TMC1: variants seen among roughly 807,000 people sequenced by gnomAD.
TMC1 encodes the protein transmembrane channel like 1.
TMC1 carries 84 observed loss-of-function variants against 105.8 expected under a neutral mutation model. That is an observed-to-expected ratio of 0.79 (90% CI 0.67 to 0.95). The LOEUF (loss-of-function observed/expected upper bound fraction) is 0.95, where lower values mean the gene tolerates loss of function less well. TMC1 is among the 40% of genes least tolerant of loss of function. TMC1 has a pLI of 0.00. For missense variants in TMC1, 817 were observed against 914.1 expected (o/e 0.89, Z 1.37); for synonymous variants, 315 against 311.5 (o/e 1.01, Z -0.12).
intron 17 of TMC1, among the ~76,000 whole-genome samples, chr9:72,801,272 G>T (rs1322991438): frequency 6.6e-6 from 1 of 152,146 alleles, no homozygotes; most frequent in Non-Finnish European, 1.5e-5. Context: ...TTCACTTTGG[G>T]GAAGGGGAGA....
At chr9:72,593,907 G>A (rs1824678871) in intron 2 of TMC1, among the ~76,000 whole-genome samples, 1 of 152,084 alleles carries the variant, frequency 6.6e-6, no homozygotes, top group African/African-American at 2.4e-5. Context: ...TTCCATCAAA[G>A]GGCCCCCTTC....
At chr9:72,600,783 C>T (rs944561812) in intron 2 of TMC1, among the ~76,000 whole-genome samples, 7 of 152,006 alleles carry the variant, frequency 4.6e-5, no homozygotes, top group Admixed American at 3.9e-4. Context: ...ATCCTATGAG[C>T]GTGGTTCTCA....
At chr9:72,556,138 C>T (rs1323615235) in intron 1 of TMC1, among the ~76,000 whole-genome samples, 1 of 147,148 alleles carries the variant, frequency 6.8e-6, no homozygotes, top group Non-Finnish European at 1.5e-5. Flanking sequence ...TTTTTTGAGA[C>T]GGAGTTTCGC....
intron 18 of TMC1, 103 bp downstream of exon 18, chr9:72,805,613 A>G (rs557055031): frequency 7.9e-5 from 86 of 1,085,682 alleles, no homozygotes; most frequent in African/African-American, 7.7e-4. Context: ...GCAGGGTCAT[A>G]GGACAATAGT....
At chr9:72,673,944 A>G (rs1826163745) in intron 5 of TMC1, among the ~76,000 whole-genome samples, 1 of 152,146 alleles carries the variant, frequency 6.6e-6, no homozygotes. Flanking sequence ...TCTATCCAAA[A>G]CCAGAAAAAG....
intron 1 of TMC1, among the ~76,000 whole-genome samples, chr9:72,524,171 T>C (rs1267498154): frequency 1.3e-5 from 2 of 152,168 alleles, no homozygotes; most frequent in African/African-American, 4.8e-5. Flanking sequence ...GATATGTCGT[T>C]TTTTTCTTCA....
At chr9:72,546,018 C>T (rs2132068027) in intron 1 of TMC1, among the ~76,000 whole-genome samples, 1 of 151,150 alleles carries the variant, frequency 6.6e-6, no homozygotes, top group South Asian at 2.1e-4. Flanking sequence ...TGCAGTGGCT[C>T]ACAACTGTAA....
rs991824579 is a variant in TMC1, at chr9:72,574,331, T to C, written c.-427-3571T>C. 3.3e-5 allele frequency among the ~76,000 whole-genome samples: 5 copies of C among 152,178 alleles called. No homozygotes were observed. In the South Asian group the frequency reaches 6.2e-4, roughly 19 times the overall value. On this transcript the variant is annotated intron_variant, in intron 1 of 23. Transcript: ENST00000297784. ...AGTGTGATGAGTGACCTCCATTTAATTGGGCGCCCAAGCTCTTGGCTGCTC... is the reference window on the plus strand; with the variant it reads ...AGTGTGATGAGTGACCTCCATTTAACTGGGCGCCCAAGCTCTTGGCTGCTC...
At chr9:72,789,438 C>G in intron 15 of TMC1, 121 bp downstream of exon 15, 2 of 873,416 alleles carry the variant, frequency 2.3e-6, no homozygotes, top group South Asian at 1.4e-5. Flanking sequence ...CCTGCCCTTA[C>G]AGTTAACCAA....
chr9:72,662,549 G>C (rs1449681718), intron 5 of TMC1, among the ~76,000 whole-genome samples: 1 of 151,918 alleles, frequency 6.6e-6, no homozygotes, highest in African/African-American at 2.4e-5. Flanking sequence ...TGCCCTGGGA[G>C]CCATTCTGTC....
Position 72,742,494 on chromosome 9 carries a change from C to T in TMC1, c.504C>T (p.Val168=). The T allele has an allele frequency of 3.7e-6, 6 of 1,614,084 alleles. No homozygotes were observed. The highest frequency in any genetic ancestry group is 4.2e-6 in the Non-Finnish European group (5 of 1,179,994). Reference sequence around the variant, plus strand: ...TTGAGAACTTCAAAGCTGCGTGTGTCCCATGGGAAAATAAAATCAAGGCTA... The same window carrying T: ...TTGAGAACTTCAAAGCTGCGTGTGTTCCATGGGAAAATAAAATCAAGGCTA... ...RDFENFKAAC[V]PWENKIKAIE... is the part of the protein sequence containing the mutation. Residue 168 remains valine (V), a synonymous_variant, in exon 10 of 24, where the codon GTC becomes GTT. Transcript: ENST00000297784.
At chr9:72,826,449 G>A (rs1238848796) in intron 20 of TMC1, among the ~76,000 whole-genome samples, 1 of 152,110 alleles carries the variant, frequency 6.6e-6, no homozygotes, top group Non-Finnish European at 1.5e-5. Context: ...GATTATATGT[G>A]GATTTTATTC....
At chr9:72,819,004 G>A (rs13286194) in intron 19 of TMC1, among the ~76,000 whole-genome samples, 1 of 152,240 alleles carries the variant, frequency 6.6e-6, no homozygotes, top group South Asian at 2.1e-4. Context: ...GGCAAGTCTC[G>A]ATTTTGAATT....
chr9:72,792,143 TG>T (rs1467402027), intron 16 of TMC1, 47 bp from the exon 17 acceptor site: 1 of 1,613,796 alleles, frequency 6.2e-7, no homozygotes, highest in Non-Finnish European at 8.5e-7. Context: ...GAAATGCCTT[TG>T]AAATCTCTGT....
At chr9:72,591,149 TG>T (rs1256050569) in intron 2 of TMC1, among the ~76,000 whole-genome samples, 1 of 152,158 alleles carries the variant, frequency 6.6e-6, no homozygotes, top group African/African-American at 2.4e-5. Context: ...CCTTGCTTGT[TG>T]GTTTGCCCTG....
intron 12 of TMC1, among the ~76,000 whole-genome samples, chr9:72,767,263 C>T (rs1019883463): frequency 6.6e-6 from 1 of 152,166 alleles, no homozygotes; most frequent in African/African-American, 2.4e-5. Flanking sequence ...TTACTTTATA[C>T]ATTCTTTCAA....
At chr9:72,615,886 T>C (rs1401235521) in intron 2 of TMC1, among the ~76,000 whole-genome samples, 1 of 152,044 alleles carries the variant, frequency 6.6e-6, no homozygotes, top group Non-Finnish European at 1.5e-5. Context: ...CCTGAGTAGC[T>C]GGGCTACAGG....
At chr9:72,651,082 A>T (rs1047471855) in intron 5 of TMC1, 3 of 147,304 alleles carry the variant, frequency 2.0e-5, no homozygotes. Context: ...TCTATATAAA[A>T]ATATATAGAT....
chr9:72,596,973 G>C (rs1824731644), intron 2 of TMC1, among the ~76,000 whole-genome samples: 1 of 152,066 alleles, frequency 6.6e-6, no homozygotes, highest in South Asian at 2.1e-4. Flanking sequence ...GGTGTAGAAG[G>C]CACATTGGCC....
Sources: gnomAD v4.1 joint callset for allele counts (sites outside exome capture counted in the v4.1 genomes callset) on GRCh38, gnomAD v4.1.1 for gene constraint, MANE v1.5 for transcripts, NCBI Gene and HGNC (gene_info 2026-07-23, HGNC 2026-07-21) for gene names.